Variants in FBXL13 observed in about 807,000 individuals in gnomAD.
FBXL13 encodes F-box and leucine rich repeat protein 13, also known as F-box and leucine-rich repeat protein 13.
A neutral mutation model predicts 83.6 loss-of-function variants in FBXL13; 67 were observed. The ratio of observed to expected loss-of-function variants is 0.80; its 90% CI spans 0.66 to 0.98. The LOEUF (loss-of-function observed/expected upper bound fraction) is 0.98, where lower values mean the gene tolerates loss of function less well. FBXL13 is among the 50% of genes least tolerant of loss of function. The pLI is 0.00. For synonymous variants in FBXL13, 272 were observed against 299.5 expected, an observed-to-expected ratio of 0.91 and a Z score of 0.95; for missense variants, 822 against 866.5, an observed-to-expected ratio of 0.95 and a Z score of 0.64.
At chr7:102,854,266 CA>C (rs1245218727) in intron 17 of FBXL13, among the ~76,000 whole-genome samples, 1 of 151,366 alleles carries the variant, frequency 6.6e-6, no homozygotes, top group African/African-American at 2.4e-5. Context: ...TAAACTATCA[CA>C]AAAACAAAAA....
rs199540401 is a variant in FBXL13 at position 102,834,032 on chromosome 7, TGAAGGAAGGAAGGAAGGAAGGAAG to T, written c.1720-1082_1720-1059del. 8.6e-3 allele frequency among the ~76,000 whole-genome samples: 652 copies of T among 75,432 alleles called. 15 individuals are homozygous for T. The highest frequency in any genetic ancestry group is 0.037 in the African/African-American group (612 of 16,722). The allele number at this position is 75,432 out of a possible 152,430, so 49.5% of individuals were successfully genotyped here. ...TAGGAGTAGAAATTGGAAACCATGA[TGAAGGAAGGAAGGAAGGAAGGAAG>T]GAAGGAAGGAAGGAAGGAAGGAAGG... On this transcript the variant is annotated intron_variant, in intron 17 of 19. Coordinates refer to ENST00000313221, the Ensembl canonical transcript of FBXL13.
Position 102,909,495 on chromosome 7 carries a change from G to A in FBXL13, c.1008+3591C>T, listed in dbSNP as rs536967449. On this transcript the variant is annotated intron_variant, in intron 11 of 19. Transcript: ENST00000313221. ...GCTACCCTAGCTGGTAATATGCTGA[G>A]TCTCACCTGAAGCCTGCAAGTCACA... Among the ~76,000 whole-genome samples, 15 of 152,140 alleles carry A rather than the reference G, an allele frequency of 9.9e-5. 1 individual carries two copies. The South Asian group carries it at 2.9e-3, about 30-fold the overall frequency.
In FBXL13 at chr7:102,928,653, A is replaced by G. The variant is rs899630244; in HGVS notation, c.778-2279T>C. On this transcript the variant is annotated intron_variant, in intron 9 of 19. Coordinates refer to ENST00000313221, the Ensembl canonical transcript of FBXL13. ...ATATCTTACTCAAGTACACAACTGA[A>G]GCTCCCTGAGGACAAGAACTGAAAA... Among the ~76,000 whole-genome samples the G allele has an allele frequency of 2.6e-4, 39 of 152,220 alleles. 1 individual carries two copies. The highest frequency in any genetic ancestry group is 2.2e-3 in the Admixed American group (34 of 15,280).
intron 17 of FBXL13, among the ~76,000 whole-genome samples, chr7:102,833,518 T>C (rs1801112966): frequency 6.6e-6 from 1 of 151,272 alleles, no homozygotes; most frequent in Non-Finnish European, 1.5e-5. Context: ...CTGCAACCTC[T>C]GTCTGCCAGG....
At chr7:102,909,780 C>A (rs1814350200) in intron 11 of FBXL13, among the ~76,000 whole-genome samples, 1 of 152,150 alleles carries the variant, frequency 6.6e-6, no homozygotes, top group Non-Finnish European at 1.5e-5. Flanking sequence ...CAAAGTCCTC[C>A]CTACTCGTCC....
chr7:103,006,930 C>A (rs1791053701), intron 6 of FBXL13, among the ~76,000 whole-genome samples: 1 of 152,078 alleles, frequency 6.6e-6, no homozygotes, highest in Admixed American at 6.5e-5. Context: ...GAGATCAATA[C>A]AATATCTGTA....
chr7:102,864,859 T>C (rs1355626739), intron 16 of FBXL13, among the ~76,000 whole-genome samples: 2 of 152,218 alleles, frequency 1.3e-5, no homozygotes, highest in Non-Finnish European at 2.9e-5. Context: ...AATATTATAA[T>C]CACCATTTTA....
At chr7:103,027,744 T>C (rs1161245034) in intron 4 of FBXL13, among the ~76,000 whole-genome samples, 186 bp from the exon 6 acceptor site, 1 of 152,232 alleles carries the variant, frequency 6.6e-6, no homozygotes, top group Non-Finnish European at 1.5e-5. Context: ...CTTTACGAAC[T>C]GGGAAACATC....
chr7:102,976,497 C>T (rs944869398), intron 6 of FBXL13, among the ~76,000 whole-genome samples: 1 of 152,172 alleles, frequency 6.6e-6, no homozygotes, highest in Non-Finnish European at 1.5e-5. Flanking sequence ...CCCCATAATA[C>T]CCAACGCATC....
chr7:103,069,020 G>A (rs539930376), intron 1 of FBXL13, among the ~76,000 whole-genome samples: 92 of 150,960 alleles, frequency 6.1e-4, no homozygotes, highest in Non-Finnish European at 9.2e-4. Context: ...AGTGAGGAGC[G>A]CCTCTGCCCG....
intron 6 of FBXL13, among the ~76,000 whole-genome samples, chr7:103,016,430 TG>T (rs1189111422): frequency 6.6e-6 from 1 of 151,886 alleles, no homozygotes; most frequent in Non-Finnish European, 1.5e-5. Flanking sequence ...ACTGAGGTAC[TG>T]GGTTCATCTC....
intron 2 of FBXL13, among the ~76,000 whole-genome samples, 165 bp downstream of exon 2, chr7:103,055,479 A>T (rs1797245568): frequency 6.6e-6 from 1 of 152,210 alleles, no homozygotes; most frequent in Non-Finnish European, 1.5e-5. Context: ...CTAGTGGGCA[A>T]ATTATTCAGG....
chr7:102,883,179 C>T (rs1341239022), intron 14 of FBXL13, 126 bp downstream of exon 15: 2 of 918,260 alleles, frequency 2.2e-6, no homozygotes, highest in African/African-American at 3.4e-5. Context: ...CTGCACTTAC[C>T]TCTACTTTAA....
intron 2 of FBXL13, among the ~76,000 whole-genome samples, 194 bp downstream of exon 2, chr7:103,055,450 G>A (rs1271128904): frequency 2.0e-5 from 3 of 152,158 alleles, no homozygotes; most frequent in East Asian, 3.9e-4. Context: ...AGAATACACC[G>A]TATTTCTCAG....
chr7:102,834,850 T>C (rs1482128952), intron 17 of FBXL13: 2 of 151,836 alleles, frequency 1.3e-5, no homozygotes, highest in African/African-American at 4.8e-5. Context: ...GTGATGAATG[T>C]TAATTAGCTT....
At chr7:102,902,416 G>C (rs1353006453) in intron 11 of FBXL13, among the ~76,000 whole-genome samples, 5 of 152,046 alleles carry the variant, frequency 3.3e-5, no homozygotes, top group African/African-American at 1.2e-4. Context: ...ATCCTTTGCT[G>C]TGCAGAAGCT....
chr7:102,955,948 A>G (rs2129477887), intron 8 of FBXL13, among the ~76,000 whole-genome samples: 1 of 152,310 alleles, frequency 6.6e-6, no homozygotes, highest in Non-Finnish European at 1.5e-5. Context: ...GAATTCTACC[A>G]GAAGTACAAA....
chr7:102,963,985 G>T (rs777312539), intron 7 of FBXL13, among the ~76,000 whole-genome samples: 6 of 152,142 alleles, frequency 3.9e-5, no homozygotes, highest in Non-Finnish European at 5.9e-5. Context: ...ATGAGAAAAT[G>T]ATCCACATCA....
chr7:102,994,303 TAA>T (rs1226483491), intron 6 of FBXL13, among the ~76,000 whole-genome samples: 2 of 152,138 alleles, frequency 1.3e-5, no homozygotes, highest in African/African-American at 2.4e-5. Flanking sequence ...TTAGTAACTT[TAA>T]AAAAGTTACC....
Sources: gnomAD v4.1 joint callset for allele counts (sites outside exome capture counted in the v4.1 genomes callset) on GRCh38, gnomAD v4.1.1 for gene constraint, MANE v1.5 for transcripts, NCBI Gene and HGNC (gene_info 2026-07-23, HGNC 2026-07-21) for gene names.